The following KATNB1 variants were observed in gnomAD, a reference collection of about 807,000 sequenced individuals.
The protein encoded by KATNB1 is katanin p80 WD40 repeat-containing subunit B1.
A neutral mutation model predicts 82.3 loss-of-function variants in KATNB1; 38 were observed. The observed-to-expected ratio is 0.46, with a 90% CI of 0.36 to 0.61. KATNB1 has a LOEUF of 0.61. Ranked by LOEUF, KATNB1 falls within the 20% of genes least tolerant of loss-of-function variation. The pLI is 0.00. For synonymous variants in KATNB1, 361 were observed against 368.7 expected, an observed-to-expected ratio of 0.98 and a Z score of 0.24; for missense variants, 749 against 915.7, an observed-to-expected ratio of 0.82 and a Z score of 2.35.
intron 4 of KATNB1, 49 bp downstream of exon 4, chr16:57,744,560 C>T: frequency 1.4e-6 from 2 of 1,438,920 alleles, no homozygotes; most frequent in Non-Finnish European, 2.0e-6. Flanking sequence ...CCTTAGTCTT[C>T]AGGCTCTGCA....
intron 2 of KATNB1, among the ~76,000 whole-genome samples, chr16:57,737,751 G>T (rs2049111834): frequency 6.6e-6 from 1 of 152,144 alleles, no homozygotes; most frequent in Admixed American, 6.5e-5. Context: ...TGCAGACAGG[G>T]CTCGGATTGT....
intron 13 of KATNB1, 140 bp downstream of exon 13, chr16:57,754,135 C>T: frequency 1.4e-6 from 1 of 701,422 alleles, no homozygotes. Flanking sequence ...CCCGCTGGGT[C>T]TCTGCCCTCT....
intron 9 of KATNB1, 49 bp downstream of exon 9, chr16:57,752,650 G>A: frequency 1.3e-6 from 2 of 1,547,048 alleles, no homozygotes; most frequent in Non-Finnish European, 1.7e-6. Flanking sequence ...CGGCAGTGGG[G>A]CGTGGCTGTG....
chr16:57,755,903 C>A lies in KATNB1; in HGVS notation c.1629C>A (p.Ile543=), dbSNP rs782093599. Residue 543 remains isoleucine, a synonymous_variant, in exon 17 of 20, where the codon ATC becomes ATA. Transcript: ENST00000379661. The stretch of plus-strand genomic sequence containing the variant: ...CGGTGGTGGTGGACCTCCTGAACAT[C>A]GTCAACCAGAAAGCGTAAGTGGCTG... The part of the protein sequence containing the change: ...DLSVVVDLLN[I]VNQKASLWKL... 1.9e-6 allele frequency: 3 copies of A among 1,598,172 alleles called. No individual in the cohort carries two copies. The highest frequency in any genetic ancestry group is 2.6e-6 in the Non-Finnish European group (3 of 1,167,884).
At chr16:57,747,534 C>T (rs2049192436) in intron 4 of KATNB1, among the ~76,000 whole-genome samples, 1 of 152,202 alleles carries the variant, frequency 6.6e-6, no homozygotes, top group South Asian at 2.1e-4. Context: ...CAAAAGAGCC[C>T]CAGGACCTCT....
chr16:57,751,403 A>T lies in KATNB1; in HGVS notation c.432+101A>T. 8.2e-7 allele frequency: 1 copy of T among 1,217,782 alleles called. No homozygotes were observed. The highest frequency in any genetic ancestry group is 2.3e-5 in the East Asian group (1 of 42,760). 75.4% of individuals were successfully genotyped at this position (1,217,782 alleles called of 1,614,324 possible). The stretch of plus-strand genomic sequence containing the variant: ...AGGGGGTGGAGGGGACGGCTGTCCC[A>T]CATGGGTGATAACATAAAACATAGA... On this transcript the variant is annotated intron_variant, in intron 6 of 19. Coordinates refer to ENST00000379661, the MANE Select transcript of KATNB1 (RefSeq NM_005886.3). This position sits in a 1 kb window ranked among gnomAD's most constrained non-coding sequence, Gnocchi z 6.3.
At chr16:57,752,679 C>T in intron 9 of KATNB1, 78 bp downstream of exon 9, 2 of 1,547,842 alleles carry the variant, frequency 1.3e-6, no homozygotes, top group African/African-American at 2.7e-5. Context: ...TTTCCCATCT[C>T]CGCTGCTGCG....
chr16:57,752,149 G>C, intron 8 of KATNB1, 94 bp downstream of exon 8: 1 of 816,640 alleles, frequency 1.2e-6, no homozygotes, highest in Non-Finnish European at 2.0e-6. Context: ...GTCGCTGTCT[G>C]GGGTGTCATA....
rs909440092 is a variant in KATNB1 at position 57,756,985 on chromosome 16, C to G, written c.*39C>G. 69 of 1,470,176 alleles carry G rather than the reference C, an allele frequency of 4.7e-5. No individual in the cohort carries two copies. Among genetic ancestry groups the G allele is most frequent in the Admixed American group, 1.2e-4 (5 of 41,470 alleles). The allele number at this position is 1,470,176 out of a possible 1,614,324, so 91.1% of individuals were successfully genotyped here. A position where few individuals can be genotyped will look rare whatever the true frequency, so the allele number is the denominator to read the frequency against. ...CAGGGGCGCTCGGCAGCCCACAGGG[C>G]CTGGCCTCAGCCCCCACTCCTGTTC... On this transcript the variant is annotated 3_prime_UTR_variant, in exon 20 of 20. Transcript: ENST00000379661.
chr16:57,755,132 C>T lies in KATNB1; in HGVS notation c.1310C>T (p.Pro437Leu). The stretch of plus-strand genomic sequence containing the variant: ...TCACACTTTCAGCTGGAGGTCCTGC[C>T]CCGGCCCCCAGTGGTTGCTTCCACA... ...QFPVPNLEVL[P>L]RPPVVASTPA... is the part of the protein sequence containing the mutation. Residue 437 changes from proline to leucine, a missense_variant, in exon 15 of 20, where the codon CCC (proline) becomes CTC (leucine). By Grantham distance (98) the Pro-to-Leu change is moderately conservative. Transcript: ENST00000379661. 6.2e-7 allele frequency: 1 copy of T among 1,612,874 alleles called. No individual in the cohort carries two copies. The highest frequency in any genetic ancestry group is 8.5e-7 in the Non-Finnish European group (1 of 1,179,874).
chr16:57,752,964 C>T (rs1555583963), intron 10 of KATNB1, 36 bp downstream of exon 10: 4 of 1,597,932 alleles, frequency 2.5e-6, no homozygotes, highest in East Asian at 2.2e-5. Flanking sequence ...CCCCCACTCC[C>T]ACAGGGCCAC....
chr16:57,756,986 C>A lies in KATNB1; in HGVS notation c.*40C>A. ...AGGGGCGCTCGGCAGCCCACAGGGC[C>A]TGGCCTCAGCCCCCACTCCTGTTCC... On this transcript the variant is annotated 3_prime_UTR_variant, in exon 20 of 20. Coordinates refer to ENST00000379661, the MANE Select transcript of KATNB1 (RefSeq NM_005886.3). 6.8e-7 allele frequency: 1 copy of A among 1,468,848 alleles called. No homozygotes were observed. 91.0% of individuals were successfully genotyped at this position (1,468,848 alleles called of 1,614,324 possible). A position where few individuals can be genotyped will look rare whatever the true frequency, so the allele number is the denominator to read the frequency against.
At chr16:57,738,261 C>CT (rs11450469) in intron 2 of KATNB1, among the ~76,000 whole-genome samples, 64,396 of 144,652 alleles carry the variant, frequency 0.45, 15,649 homozygotes, top group African/African-American at 0.67. Context: ...AGACTCCACA[C>CT]TTTTTTTTTT....
At chr16:57,746,351 TCTCTCTCTCTCTTTTCTTTC>T (rs570444123) in intron 4 of KATNB1, among the ~76,000 whole-genome samples, 2,006 of 151,994 alleles carry the variant, frequency 0.013, 19 homozygotes, top group Non-Finnish European at 0.017. Flanking sequence ...TCTTCCTTCC[TCTCTCTCTCTCTTTTCTTTC>T]CTCTCTCTCT....
At chr16:57,739,639 C>T (rs1597822906) in intron 2 of KATNB1, among the ~76,000 whole-genome samples, 2 of 152,148 alleles carry the variant, frequency 1.3e-5, no homozygotes, top group African/African-American at 4.8e-5. Context: ...GTGCTGTGTC[C>T]CTGCCCCTCT....
intron 16 of KATNB1, 46 bp from the exon 17 acceptor site, chr16:57,755,795 C>CA: frequency 6.5e-7 from 1 of 1,540,628 alleles, no homozygotes. Flanking sequence ...CACAGGGCCA[C>CA]ACTGTCCCCC....
At chr16:57,756,197 C>A in intron 18 of KATNB1, 131 bp downstream of exon 18, 1 of 1,197,240 alleles carries the variant, frequency 8.4e-7, no homozygotes, top group Non-Finnish European at 1.2e-6. Flanking sequence ...ATTGCTGCCC[C>A]TCAACAGTCC....
intron 3 of KATNB1, among the ~76,000 whole-genome samples, chr16:57,743,947 T>C (rs1260862006): frequency 6.6e-6 from 1 of 152,216 alleles, no homozygotes; most frequent in Non-Finnish European, 1.5e-5. Context: ...GCGAGATGTG[T>C]GCCCAGGACT....
At chr16:57,754,068 C>T (rs2049254945) in intron 13 of KATNB1, 73 bp downstream of exon 13, 5 of 1,311,580 alleles carry the variant, frequency 3.8e-6, no homozygotes, top group Middle Eastern at 1.8e-4. Flanking sequence ...CCTGTGAACC[C>T]TCCCAACAAG....
Sources: allele counts gnomAD v4.1 joint callset (sites outside exome capture counted in the v4.1 genomes callset), GRCh38; gene constraint gnomAD v4.1.1; non-coding constraint Gnocchi (gnomAD v3.1); transcripts MANE v1.5; gene names NCBI Gene and HGNC (gene_info 2026-07-23, HGNC 2026-07-21).